The following XXYLT1 variants were observed in gnomAD, a reference collection of about 807,000 sequenced individuals.
The protein encoded by XXYLT1 is xyloside xylosyltransferase 1.
A neutral mutation model predicts 28.9 loss-of-function variants in XXYLT1; 20 were observed. The observed-to-expected ratio is 0.69, with a 90% CI of 0.49 to 1.00. The LOEUF (loss-of-function observed/expected upper bound fraction) is 1.00. Ranked by LOEUF, XXYLT1 falls within the 50% of genes least tolerant of loss-of-function variation. XXYLT1 has a pLI of 0.00. For missense variants in XXYLT1, 542 were observed against 560.1 expected, an observed-to-expected ratio of 0.97 and a Z score of 0.33; for synonymous variants, 257 against 253.8, an observed-to-expected ratio of 1.01 and a Z score of -0.12.
At chr3:195,244,498 A>G (rs567628057) in intron 1 of XXYLT1, among the ~76,000 whole-genome samples, 7 of 152,264 alleles carry the variant, frequency 4.6e-5, no homozygotes, top group Admixed American at 6.5e-5. Flanking sequence ...GCGGTGGCTC[A>G]TGCCTGTAAT....
chr3:195,239,869 AT>A (rs774251294), intron 1 of XXYLT1, among the ~76,000 whole-genome samples: 21 of 152,206 alleles, frequency 1.4e-4, no homozygotes, highest in Non-Finnish European at 2.4e-4. Context: ...CCATGTTCGT[AT>A]CATGAGGGCA....
intron 2 of XXYLT1, among the ~76,000 whole-genome samples, chr3:195,157,701 G>A (rs57475252): frequency 0.19 from 28,429 of 152,078 alleles, 3,416 homozygotes; most frequent in East Asian, 0.57. Context: ...CAGAGGGAGG[G>A]GCCAGTGCTG....
intron 1 of XXYLT1, among the ~76,000 whole-genome samples, chr3:195,243,358 A>AT (rs886141366): frequency 2.4e-4 from 36 of 151,262 alleles, no homozygotes; most frequent in Admixed American, 2.2e-3. Context: ...TCAAAGTATA[A>AT]TAAAAAAAAA....
intron 2 of XXYLT1, among the ~76,000 whole-genome samples, chr3:195,215,819 G>A (rs1560157193): frequency 6.6e-6 from 1 of 152,140 alleles, no homozygotes. Flanking sequence ...GCACCAAGCG[G>A]ACCTAATAGA....
chr3:195,164,495 C>T (rs1193689909), intron 2 of XXYLT1, among the ~76,000 whole-genome samples: 1 of 152,228 alleles, frequency 6.6e-6, no homozygotes, highest in Non-Finnish European at 1.5e-5. Flanking sequence ...TTCTTTGTTC[C>T]CTGCCTTGCC....
chr3:195,096,504 C>T (rs1716455186), intron 3 of XXYLT1, among the ~76,000 whole-genome samples: 1 of 152,204 alleles, frequency 6.6e-6, no homozygotes. Flanking sequence ...CTGACAAACA[C>T]ACACGATACA....
At chr3:195,073,488 CT>C (rs1432749650) in intron 3 of XXYLT1, among the ~76,000 whole-genome samples, 3 of 152,162 alleles carry the variant, frequency 2.0e-5, no homozygotes, top group African/African-American at 7.2e-5. Flanking sequence ...CCCTCCCCCC[CT>C]CATGCCCACA....
intron 1 of XXYLT1, chr3:195,259,753 CA>C: frequency 1.2e-6 from 1 of 831,554 alleles, no homozygotes; most frequent in Non-Finnish European, 1.4e-6. Context: ...GGTCTTTTGC[CA>C]AATTCCCCAC....
chr3:195,116,503 T>C (rs1718050740), intron 3 of XXYLT1, among the ~76,000 whole-genome samples: 1 of 152,100 alleles, frequency 6.6e-6, no homozygotes, highest in African/African-American at 2.4e-5. Flanking sequence ...ACAGGTGCAC[T>C]GCCAAGTGCA....
At chr3:195,097,830 G>A (rs192978899) in intron 3 of XXYLT1, among the ~76,000 whole-genome samples, 89 of 145,948 alleles carry the variant, frequency 6.1e-4, no homozygotes, top group Admixed American at 6.0e-3. Context: ...CCCCCACCAC[G>A]CACACACAAA....
At chr3:195,236,198 G>A (rs554042169) in intron 1 of XXYLT1, among the ~76,000 whole-genome samples, 63 of 152,264 alleles carry the variant, frequency 4.1e-4, no homozygotes, top group African/African-American at 1.3e-3. Flanking sequence ...GTTCTCTTGG[G>A]CCCCAGGCAG....
chr3:195,077,845 C>T lies in XXYLT1; in HGVS notation c.786-7734G>A, dbSNP rs1026426668. Among the ~76,000 whole-genome samples the T allele has an allele frequency of 6.6e-6, 1 of 152,120 alleles. No individual in the cohort carries two copies. Among genetic ancestry groups the T allele is most frequent in the South Asian group, 2.1e-4 (1 of 4,816 alleles). On this transcript the variant is annotated intron_variant, in intron 3 of 3. Coordinates refer to ENST00000310380, the MANE Select transcript of XXYLT1 (RefSeq NM_152531.5). This position sits in a 1 kb window ranked among gnomAD's most constrained non-coding sequence, Gnocchi z 4.8. ...TCCTCAGGATGTGCCATGCCCTTCT[C>T]GAAGGCTTCTCCTGGCCCTCCGCTC... is the stretch of plus-strand genomic sequence containing the variant.
chr3:195,184,871 T>C (rs1361907048), intron 2 of XXYLT1: 4 of 965,806 alleles, frequency 4.1e-6, no homozygotes, highest in Non-Finnish European at 4.9e-6. Flanking sequence ...TGGTCTACAT[T>C]CAAATGGTAA....
At chr3:195,234,877 T>C (rs1724468226) in intron 1 of XXYLT1, among the ~76,000 whole-genome samples, 1 of 152,130 alleles carries the variant, frequency 6.6e-6, no homozygotes. Context: ...ATAACCTTCC[T>C]GTACTTGAAT....
intron 2 of XXYLT1, among the ~76,000 whole-genome samples, chr3:195,166,604 C>G (rs1306015612): frequency 6.6e-6 from 1 of 152,150 alleles, no homozygotes; most frequent in Non-Finnish European, 1.5e-5. Context: ...CCCACGTGTT[C>G]TATCTGAAAT....
At chr3:195,109,457 G>A (rs370786343) in intron 3 of XXYLT1, among the ~76,000 whole-genome samples, 5 of 151,464 alleles carry the variant, frequency 3.3e-5, no homozygotes, top group African/African-American at 1.2e-4. Flanking sequence ...ATATGTGTGC[G>A]TGTATGTGGT....
intron 3 of XXYLT1, among the ~76,000 whole-genome samples, chr3:195,097,013 G>T (rs935036335): frequency 1.3e-5 from 2 of 152,244 alleles, no homozygotes; most frequent in Non-Finnish European, 2.9e-5. Flanking sequence ...AAGGCAGGCT[G>T]TTCTGATTCC....
At position 195,226,738 on chromosome 3, in the gene XXYLT1, G is replaced by A. The variant is rs367727409; in HGVS notation, c.623C>T (p.Ser208Leu). The A allele has an allele frequency of 1.2e-5, 19 of 1,613,742 alleles. No homozygotes were observed. Among genetic ancestry groups the A allele is most frequent in the South Asian group, 4.4e-5 (4 of 91,028 alleles). ...GGGCATGATCTGATGCATGGCGACC[G>A]AGAGGAAGAAGATGGAGTCACTGTA... ...TYYSDSIFFL[S>L]VAMHQIMPKE... Residue 208 changes from serine (S) to leucine (L), a missense_variant, in exon 2 of 4, where the codon TCG (serine) becomes TTG (leucine). By Grantham distance (145) the Ser-to-Leu change is moderately radical. Transcript: ENST00000310380.
chr3:195,167,884 G>A (rs1162670816), intron 2 of XXYLT1, among the ~76,000 whole-genome samples: 1 of 152,192 alleles, frequency 6.6e-6, no homozygotes, highest in Non-Finnish European at 1.5e-5. Context: ...CATCATCCAA[G>A]TACTTGAGGC....
Sources: allele counts gnomAD v4.1 joint callset (sites outside exome capture counted in the v4.1 genomes callset), GRCh38; gene constraint gnomAD v4.1.1; non-coding constraint Gnocchi (gnomAD v3.1); transcripts MANE v1.5; gene names NCBI Gene and HGNC (gene_info 2026-07-23, HGNC 2026-07-21).